The following WDFY4 variants were observed in gnomAD, a reference collection of about 807,000 sequenced individuals.
WDFY4 encodes WDFY family member 4, also known as WD repeat- and FYVE domain-containing protein 4.
Under a neutral mutation model 351.9 loss-of-function variants are expected in WDFY4, and 169 were observed. The ratio of observed to expected loss-of-function variants is 0.48; its 90% CI spans 0.42 to 0.55. The LOEUF (loss-of-function observed/expected upper bound fraction) is 0.55. Ranked by LOEUF, WDFY4 falls within the 20% of genes least tolerant of loss-of-function variation. The probability of loss-of-function intolerance (pLI) is 0.00; values close to 1 mark genes in which losing one functional copy is unlikely to be tolerated. For synonymous variants in WDFY4, 1,622 were observed against 1,574.6 expected, an observed-to-expected ratio of 1.03 and a Z score of -0.71; for missense variants, 3,803 against 3,935.6, an observed-to-expected ratio of 0.97 and a Z score of 0.90.
chr10:48,896,454 GTCCTGAAGAGC>G (rs1297167260), intron 44 of WDFY4, among the ~76,000 whole-genome samples: 1 of 152,128 alleles, frequency 6.6e-6, no homozygotes, highest in Non-Finnish European at 1.5e-5. Context: ...CAGGCCAAGG[GTCCTGAAGAGC>G]TCCCTGGTTT....
chr10:48,777,091 C>T lies in WDFY4; in HGVS notation c.3098+107C>T, dbSNP rs1002301377. 2.0e-5 allele frequency: 27 copies of T among 1,323,816 alleles called. No homozygotes were observed. In the Admixed American group the frequency reaches 2.3e-4, roughly 11 times the overall value. 82.0% of individuals were successfully genotyped at this position (1,323,816 alleles called of 1,614,324 possible). ...TTGTAGTTCCCATTGAATCTCACCA[C>T]TCAGCAGAGGAAAATGTCTGGGTCA... On this transcript the variant is annotated intron_variant, in intron 16 of 61. Coordinates refer to ENST00000325239, the MANE Select transcript of WDFY4 (RefSeq NM_001394531.1).
intron 38 of WDFY4, among the ~76,000 whole-genome samples, 151 bp downstream of exon 38, chr10:48,831,036 T>C (rs539168924): frequency 3.9e-5 from 6 of 152,308 alleles, no homozygotes; most frequent in African/African-American, 1.4e-4. Context: ...TGAAATCTTA[T>C]GTATCTTTCC....
intron 47 of WDFY4, chr10:48,914,179 G>T: frequency 6.2e-7 from 1 of 1,601,256 alleles, no homozygotes; most frequent in African/African-American, 1.3e-5. Flanking sequence ...GGGAGTGTTA[G>T]AAGTTTATTG....
At chr10:48,894,537 G>A (rs1836974767) in intron 44 of WDFY4, among the ~76,000 whole-genome samples, 1 of 152,220 alleles carries the variant, frequency 6.6e-6, no homozygotes, top group South Asian at 2.1e-4. Flanking sequence ...GTCAGTATAA[G>A]GTTTCCTTAT....
intron 40 of WDFY4, among the ~76,000 whole-genome samples, chr10:48,873,006 G>A (rs185198365): frequency 1.1e-4 from 16 of 152,190 alleles, no homozygotes; most frequent in African/African-American, 3.9e-4. Flanking sequence ...GTTGTCTTGA[G>A]GGCTTCTAAT....
chr10:48,925,475 C>T (rs1014600787), intron 47 of WDFY4, among the ~76,000 whole-genome samples: 2 of 152,124 alleles, frequency 1.3e-5, no homozygotes, highest in African/African-American at 2.4e-5. Context: ...ATTCTGGGCC[C>T]GAAATTGTGT....
At chr10:48,842,692 G>C (rs1564409167) in intron 39 of WDFY4, among the ~76,000 whole-genome samples, 2 of 152,192 alleles carry the variant, frequency 1.3e-5, no homozygotes, top group East Asian at 1.9e-4. Flanking sequence ...GTTGGTTCTT[G>C]TTCTTAAACC....
intron 47 of WDFY4, among the ~76,000 whole-genome samples, chr10:48,912,434 C>G (rs34486070): frequency 0.13 from 19,500 of 152,214 alleles, 1,390 homozygotes; most frequent in Middle Eastern, 0.22. Context: ...TGCCATGGAC[C>G]TAGACCTGTC....
chr10:48,828,946 G>A (rs1200799914), intron 37 of WDFY4, 50 bp downstream of exon 37: 2 of 466,358 alleles, frequency 4.3e-6, no homozygotes, highest in African/African-American at 4.3e-5. Flanking sequence ...GGCGGGGAGG[G>A]GGTGGTGGCA....
At chr10:48,913,785 C>T (rs536518606) in intron 47 of WDFY4, 43 of 1,613,986 alleles carry the variant, frequency 2.7e-5, no homozygotes, top group Middle Eastern at 1.6e-4. Flanking sequence ...GTTCACAGCG[C>T]GGATGTTCTT....
intron 39 of WDFY4, among the ~76,000 whole-genome samples, chr10:48,867,059 A>T (rs1159548849): frequency 6.6e-6 from 1 of 151,868 alleles, no homozygotes; most frequent in Non-Finnish European, 1.5e-5. Flanking sequence ...AATCCCAGCT[A>T]CTTGGGAGGC....
chr10:48,857,070 C>A (rs2069159126), intron 39 of WDFY4, among the ~76,000 whole-genome samples: 1 of 152,148 alleles, frequency 6.6e-6, no homozygotes, highest in African/African-American at 2.4e-5. Context: ...ATACTCATGC[C>A]AATAACTGTA....
intron 13 of WDFY4, among the ~76,000 whole-genome samples, chr10:48,771,986 G>A (rs1183501445): frequency 6.6e-6 from 1 of 152,180 alleles, no homozygotes; most frequent in Non-Finnish European, 1.5e-5. Flanking sequence ...AGCTTCTCCT[G>A]GCTTCACTTT....
At chr10:48,843,189 A>G (rs2068667272) in intron 39 of WDFY4, among the ~76,000 whole-genome samples, 1 of 152,212 alleles carries the variant, frequency 6.6e-6, no homozygotes, top group Non-Finnish European at 1.5e-5. Context: ...GTTTGGAAAG[A>G]TTAACCAGAT....
intron 1 of WDFY4, among the ~76,000 whole-genome samples, chr10:48,697,266 C>T (rs1187076268): frequency 6.6e-6 from 1 of 152,234 alleles, no homozygotes; most frequent in Non-Finnish European, 1.5e-5. Context: ...CAGGGGCTCC[C>T]AGCTCCCTTC....
At chr10:48,925,680 C>A (rs542403421) in intron 47 of WDFY4, among the ~76,000 whole-genome samples, 2 of 152,100 alleles carry the variant, frequency 1.3e-5, no homozygotes, top group African/African-American at 2.4e-5. Context: ...AGCAGTAGCT[C>A]CACCACACTC....
At chr10:48,820,580 A>G in intron 33 of WDFY4, 143 bp downstream of exon 33, 13 of 891,316 alleles carry the variant, frequency 1.5e-5, no homozygotes, top group Non-Finnish European at 2.2e-5. Context: ...TGGGCCCCAA[A>G]AAAGCAACAG....
chr10:48,774,889 G>A (rs1264744248), intron 14 of WDFY4, among the ~76,000 whole-genome samples: 5 of 152,190 alleles, frequency 3.3e-5, no homozygotes, highest in African/African-American at 4.8e-5. Context: ...AATGGATCAC[G>A]TGGGGGCTGG....
chr10:48,705,164 A>G (rs2132173203), intron 1 of WDFY4, among the ~76,000 whole-genome samples: 2 of 152,322 alleles, frequency 1.3e-5, no homozygotes, highest in South Asian at 4.1e-4. Context: ...ATTTTTATGA[A>G]AAATGCCCTG....
Sources: gnomAD v4.1 joint callset for allele counts (sites outside exome capture counted in the v4.1 genomes callset) on GRCh38, gnomAD v4.1.1 for gene constraint, MANE v1.5 for transcripts, NCBI Gene and HGNC (gene_info 2026-07-23, HGNC 2026-07-21) for gene names.